The following SGCZ variants were observed in gnomAD, a reference collection of about 807,000 sequenced individuals.
The protein encoded by SGCZ is sarcoglycan zeta, also known as zeta-sarcoglycan.
SGCZ carries 40 observed loss-of-function variants against 41.3 expected under a neutral mutation model. The ratio of observed to expected loss-of-function variants is 0.97; its 90% CI spans 0.75 to 1.26. The LOEUF (loss-of-function observed/expected upper bound fraction) is 1.26, where lower values mean the gene tolerates loss of function less well. SGCZ is among the 50% of genes most tolerant of loss of function. The pLI is 0.00. For synonymous variants in SGCZ, 206 were observed against 137.5 expected (o/e 1.50, Z -3.49); for missense variants, 552 against 369.8 (o/e 1.49, Z -4.04).
intron 1 of SGCZ, among the ~76,000 whole-genome samples, chr8:15,065,391 G>A (rs1222550477): frequency 6.7e-6 from 1 of 150,028 alleles, no homozygotes; most frequent in Non-Finnish European, 1.5e-5. Context: ...TATATCTATG[G>A]CATCACTTAT....
intron 2 of SGCZ, among the ~76,000 whole-genome samples, chr8:14,456,449 G>T (rs201185621): frequency 6.6e-6 from 1 of 152,078 alleles, no homozygotes; most frequent in East Asian, 1.9e-4. Context: ...CAGAGGAAAA[G>T]TTCATGACAT....
intron 1 of SGCZ, among the ~76,000 whole-genome samples, chr8:14,615,903 C>T (rs4831618): frequency 0.34 from 51,946 of 151,984 alleles, 9,130 homozygotes; most frequent in East Asian, 0.62. Context: ...TATCTCATTC[C>T]ACTTTACTCT....
chr8:14,646,755 T>C, intron 1 of SGCZ, among the ~76,000 whole-genome samples: 1 of 152,056 alleles, frequency 6.6e-6, no homozygotes, highest in South Asian at 2.1e-4. Context: ...TTAAAAATTA[T>C]TTTGTTCAAT....
intron 1 of SGCZ, among the ~76,000 whole-genome samples, chr8:14,644,116 T>C (rs1807121617): frequency 1.3e-5 from 2 of 151,820 alleles, no homozygotes; most frequent in African/African-American, 4.8e-5. Context: ...TTACCTATTG[T>C]GATGGTTAAT....
intron 1 of SGCZ, among the ~76,000 whole-genome samples, chr8:14,991,843 C>T (rs1480503803): frequency 6.6e-6 from 1 of 151,212 alleles, no homozygotes; most frequent in East Asian, 2.0e-4. Flanking sequence ...AATCGACACA[C>T]AAATCTACCC....
At chr8:14,969,247 C>T (rs1044366775) in intron 1 of SGCZ, among the ~76,000 whole-genome samples, 2 of 152,078 alleles carry the variant, frequency 1.3e-5, no homozygotes, top group Admixed American at 6.6e-5. Context: ...ATTTGGGTGT[C>T]CACGAGATAT....
At chr8:14,649,772 C>A (rs898746916) in intron 1 of SGCZ, among the ~76,000 whole-genome samples, 1 of 151,982 alleles carries the variant, frequency 6.6e-6, no homozygotes, top group Non-Finnish European at 1.5e-5. Flanking sequence ...TGCTTCTTTT[C>A]CAGAAGGAAA....
intron 1 of SGCZ, among the ~76,000 whole-genome samples, chr8:15,156,555 G>T (rs931313680): frequency 6.6e-6 from 1 of 152,148 alleles, no homozygotes; most frequent in African/African-American, 2.4e-5. Context: ...TTCCCAGCTT[G>T]AAATGACAAA....
rs540455785 is a variant in SGCZ at position 14,603,043 on chromosome 8, A to G, written c.40-48117T>C. Among the ~76,000 whole-genome samples the G allele has an allele frequency of 2.0e-5, 3 of 152,276 alleles. No homozygotes were observed. In the East Asian group the frequency reaches 5.8e-4, roughly 29 times the overall value. ...AACATTCAGGCATGGCTTCAGAGAC[A>G]CTAGGAGGATTCTAGTAGGGGACTT... On this transcript the variant is annotated intron_variant, in intron 1 of 7. Coordinates refer to ENST00000382080, the MANE Select transcript of SGCZ (RefSeq NM_139167.4).
At chr8:14,151,336 A>G (rs1585181463) in intron 5 of SGCZ, among the ~76,000 whole-genome samples, 2 of 152,088 alleles carry the variant, frequency 1.3e-5, no homozygotes, top group Admixed American at 1.3e-4. Flanking sequence ...AAAAAATTAA[A>G]CCATACTATT....
intron 1 of SGCZ, among the ~76,000 whole-genome samples, chr8:14,852,517 A>G (rs1430319941): frequency 6.6e-6 from 1 of 152,170 alleles, no homozygotes; most frequent in Non-Finnish European, 1.5e-5. Flanking sequence ...AAAAGTTGCC[A>G]TCGAGTACAC....
intron 1 of SGCZ, among the ~76,000 whole-genome samples, chr8:14,899,103 A>G (rs1013331381): frequency 6.6e-6 from 1 of 152,084 alleles, no homozygotes; most frequent in Non-Finnish European, 1.5e-5. Context: ...CCTGGAATTG[A>G]GGACAATCGC....
At chr8:14,213,906 G>A (rs1805903237) in intron 4 of SGCZ, among the ~76,000 whole-genome samples, 1 of 152,092 alleles carries the variant, frequency 6.6e-6, no homozygotes. Context: ...TATCATTTAT[G>A]TAGCTACTTT....
At chr8:14,151,989 GA>G (rs1803723821) in intron 5 of SGCZ, among the ~76,000 whole-genome samples, 1 of 151,834 alleles carries the variant, frequency 6.6e-6, no homozygotes, top group Non-Finnish European at 1.5e-5. Flanking sequence ...AAAATTTAGG[GA>G]AAAATGTAGA....
intron 5 of SGCZ, among the ~76,000 whole-genome samples, chr8:14,156,988 C>G (rs1004040555): frequency 6.6e-6 from 1 of 152,080 alleles, no homozygotes; most frequent in Non-Finnish European, 1.5e-5. Context: ...CTACAGTATA[C>G]TATAGTAAAT....
intron 1 of SGCZ, among the ~76,000 whole-genome samples, chr8:14,799,550 C>T (rs1185097366): frequency 6.6e-6 from 1 of 152,088 alleles, no homozygotes; most frequent in African/African-American, 2.4e-5. Flanking sequence ...AAGACTCTTC[C>T]ATCCTTTCAC....
In SGCZ at chr8:15,012,574, T is replaced by C. The variant is rs540241288; in HGVS notation, c.39+225011A>G. Among the ~76,000 whole-genome samples, 888 of 104,742 alleles carry C rather than the reference T, an allele frequency of 8.5e-3. 20 individuals are homozygous for C. The highest frequency in any genetic ancestry group is 0.024 in the African/African-American group (837 of 34,530). The allele number at this position is 104,742 out of a possible 152,430, so 68.7% of individuals were successfully genotyped here. A position where few individuals can be genotyped will look rare whatever the true frequency, so the allele number is the denominator to read the frequency against. On this transcript the variant is annotated intron_variant, in intron 1 of 7. Coordinates refer to ENST00000382080, the MANE Select transcript of SGCZ (RefSeq NM_139167.4). The stretch of plus-strand genomic sequence containing the variant: ...TATTTATATATAACATATAAATATA[T>C]ATTTATATAACATATAAATATATAT...
chr8:14,736,432 C>T lies in SGCZ; in HGVS notation c.40-181506G>A, dbSNP rs17120163. On this transcript the variant is annotated intron_variant, in intron 1 of 7. Coordinates refer to ENST00000382080, the MANE Select transcript of SGCZ (RefSeq NM_139167.4). ...AGCATTTGTTTCCAGACATTTCAAA[C>T]GCAAACTGGCTATAAAATCAAAATA... Among the ~76,000 whole-genome samples the T allele has an allele frequency of 4.9e-3, 742 of 152,214 alleles. 3 individuals carry two copies. Among genetic ancestry groups the T allele is most frequent in the Non-Finnish European group, 6.2e-3 (419 of 67,988 alleles).
chr8:14,883,273 C>T (rs2130727476), intron 1 of SGCZ, among the ~76,000 whole-genome samples: 1 of 150,970 alleles, frequency 6.6e-6, no homozygotes, highest in East Asian at 2.0e-4. Context: ...AAGTGAGAAC[C>T]AGAAGGAACT....
Sources: gnomAD v4.1 joint callset for allele counts (sites outside exome capture counted in the v4.1 genomes callset) on GRCh38, gnomAD v4.1.1 for gene constraint, MANE v1.5 for transcripts, NCBI Gene and HGNC (gene_info 2026-07-23, HGNC 2026-07-21) for gene names.